The following CHGA variants were observed in gnomAD, a reference collection of about 807,000 sequenced individuals.
CHGA encodes chromogranin-A.
Under a neutral mutation model 54.4 loss-of-function variants are expected in CHGA, and 41 were observed. The observed-to-expected ratio is 0.75, with a 90% CI of 0.59 to 0.98. CHGA has a LOEUF of 0.98. Among genes scored for constraint, CHGA ranks in the 50% least tolerant of loss-of-function variants. CHGA has a pLI of 0.00. For missense variants in CHGA, 576 were observed against 582.3 expected, an observed-to-expected ratio of 0.99 and a Z score of 0.11; for synonymous variants, 249 against 232.8, an observed-to-expected ratio of 1.07 and a Z score of -0.63.
Position 92,935,064 on chromosome 14 carries a change from C to T in CHGA, c.*180C>T. 3 of 543,580 alleles carry T rather than the reference C, an allele frequency of 5.5e-6. No individual in the cohort carries two copies. In the South Asian group the frequency reaches 7.9e-5, roughly 14 times the overall value. The allele number at this position is 543,580 out of a possible 1,614,324, so 33.7% of individuals were successfully genotyped here. On this transcript the variant is annotated 3_prime_UTR_variant, in exon 8 of 8. Transcript: ENST00000216492. ...CCTTGTCTCCTACTCCTGACTCCTA[C>T]CTGCCCTGGAACATCCTTTGCAGGG...
intron 4 of CHGA, among the ~76,000 whole-genome samples, chr14:92,927,853 G>T (rs901211877): frequency 1.3e-5 from 2 of 152,220 alleles, no homozygotes; most frequent in Non-Finnish European, 2.9e-5. Context: ...ATAGAGACAT[G>T]CCAGGTGCAG....
Position 92,923,272 on chromosome 14 carries a change from C to G in CHGA, c.-88C>G, listed in dbSNP as rs1042317397. On this transcript the variant is annotated 5_prime_UTR_variant, in exon 1 of 8. Transcript: ENST00000216492. ...AGCCCCGCGCCGGTGCCACCGCAGC[C>G]CGACCCCGGCCGCCAGTCCAGCCGC... 3 of 1,199,168 alleles carry G rather than the reference C, an allele frequency of 2.5e-6. No homozygotes were observed. Among genetic ancestry groups the G allele is most frequent in the Non-Finnish European group, 3.1e-6 (3 of 958,596 alleles). The allele number at this position is 1,199,168 out of a possible 1,614,324, so 74.3% of individuals were successfully genotyped here. A position where few individuals can be genotyped will look rare whatever the true frequency, so the allele number is the denominator to read the frequency against.
At chr14:92,929,936 T>C in intron 5 of CHGA, 121 bp downstream of exon 5, 1 of 737,776 alleles carries the variant, frequency 1.4e-6, no homozygotes, top group East Asian at 2.7e-5. Context: ...TATTTCCCTC[T>C]CTCTACAAAT....
Position 92,931,430 on chromosome 14 carries a change from A to G in CHGA, c.536A>G (p.Glu179Gly), listed in dbSNP as rs1886992911. 3 of 1,608,208 alleles carry G rather than the reference A, an allele frequency of 1.9e-6. No individual in the cohort carries two copies. Among genetic ancestry groups the G allele is most frequent in the Non-Finnish European group, 2.5e-6 (3 of 1,177,928 alleles). ...APGEEEEEEE[E>G]ATNTHPPASL... Reference sequence around the variant, plus strand: ...GGGGAGGAAGAGGAGGAGGAGGAGGAGGCCACCAACACCCACCCTCCAGCC... The same window carrying G: ...GGGGAGGAAGAGGAGGAGGAGGAGGGGGCCACCAACACCCACCCTCCAGCC... Residue 179 changes from glutamate to glycine, a missense_variant, in exon 6 of 8, where the codon GAG (glutamate) becomes GGG (glycine). By Grantham distance (98) the Glu-to-Gly change is moderately conservative. Transcript: ENST00000216492.
chr14:92,932,474 G>A lies in CHGA; in HGVS notation c.913G>A (p.Glu305Lys), dbSNP rs869079468. ...GEQEHSQQKE[E>K]EEEMAVVPQG... ...ACAGGAGCACTCCCAGCAGAAAGAG[G>A]AGGAGGAGGAGATGGCAGTGGTCCC... The change falls in exon 7 of 8, where the codon GAG becomes AAG. Residue 305 changes from glutamate (E) to lysine (K), a missense_variant. Coordinates refer to ENST00000216492, the MANE Select transcript of CHGA (RefSeq NM_001275.4). This position sits in a 1 kb window ranked among gnomAD's most constrained non-coding sequence, Gnocchi z 5.3. The A allele has an allele frequency of 1.3e-6, 2 of 1,556,382 alleles. No individual in the cohort carries two copies. The highest frequency in any genetic ancestry group is 1.7e-6 in the Non-Finnish European group (2 of 1,149,780).
At position 92,923,619 on chromosome 14, in the gene CHGA, C is replaced by A. The variant is rs941587; in HGVS notation, c.46+214C>A. ...ACACTTGGGCCTGACTCCCAACCCC[C>A]CGGGGCAACTCCCCCTTGTGCCCAC... On this transcript the variant is annotated intron_variant, in intron 1 of 7. Coordinates refer to ENST00000216492, the MANE Select transcript of CHGA (RefSeq NM_001275.4). 5.3e-5 allele frequency among the ~76,000 whole-genome samples: 8 copies of A among 152,036 alleles called. No individual in the cohort carries two copies. The East Asian group carries it at 1.2e-3, about 22-fold the overall frequency.
chr14:92,926,483 C>T, intron 2 of CHGA, 122 bp from the exon 3 acceptor site: 1 of 737,190 alleles, frequency 1.4e-6, no homozygotes, highest in East Asian at 2.7e-5. Context: ...AGCCAGGGAT[C>T]ATGGACTCCC....
intron 7 of CHGA, among the ~76,000 whole-genome samples, chr14:92,934,341 C>T (rs1192077038): frequency 6.6e-6 from 1 of 152,232 alleles, no homozygotes; most frequent in Non-Finnish European, 1.5e-5. Flanking sequence ...GCAGCTCCCC[C>T]AGCATGTAGC....
Position 92,932,196 on chromosome 14 carries a change from T to C in CHGA, c.809-174T>C, listed in dbSNP as rs1465376009. On this transcript the variant is annotated intron_variant, in intron 6 of 7. Coordinates refer to ENST00000216492, the MANE Select transcript of CHGA (RefSeq NM_001275.4). The surrounding 1 kb of genome is among the most constrained non-coding windows in gnomAD (Gnocchi z 5.3). ...AGGCAGGCTCCAGCTAACCCACCCCTCTGAGCCGAGAGGGTCTTGCAAAGC... is the reference window on the plus strand; with the variant it reads ...AGGCAGGCTCCAGCTAACCCACCCCCCTGAGCCGAGAGGGTCTTGCAAAGC... 1 of 875,038 alleles carries C rather than the reference T, an allele frequency of 1.1e-6. No homozygotes were observed. The highest frequency in any genetic ancestry group is 1.7e-6 in the Non-Finnish European group (1 of 598,148). 54.2% of individuals were successfully genotyped at this position (875,038 alleles called of 1,614,324 possible).
chr14:92,930,320 C>T (rs183884081), intron 5 of CHGA, among the ~76,000 whole-genome samples: 4 of 152,222 alleles, frequency 2.6e-5, no homozygotes, highest in South Asian at 2.1e-4. Flanking sequence ...TAGGTCAGTG[C>T]GACACTCTGA....
In CHGA at chr14:92,929,835, G is replaced by T; in HGVS notation, c.355+20G>T. ...TGAAAGGTCTGTCCCAGCCGGTCTG[G>T]CCGGAGGTGGGGAAGGGAGGGTGGC... On this transcript the variant is annotated intron_variant, in intron 5 of 7. Coordinates refer to ENST00000216492, the MANE Select transcript of CHGA (RefSeq NM_001275.4). 6.2e-7 allele frequency: 1 copy of T among 1,605,304 alleles called. No individual in the cohort carries two copies. Among genetic ancestry groups the T allele is most frequent in the South Asian group, 1.1e-5 (1 of 90,896 alleles).
Position 92,931,617 on chromosome 14 carries a change from G to C in CHGA, c.723G>C (p.Glu241Asp). ...EEEEEEAEAG[E>D]EAVPEEEGPT... ...AGGAGGAGGAGGCTGAGGCTGGAGA[G>C]GAGGCTGTCCCCGAGGAAGAAGGCC... The change falls in exon 6 of 8, where the codon GAG (glutamate) becomes GAC (aspartate). Residue 241 changes from glutamate to aspartate, a missense_variant. Physicochemically the swap from Glu to Asp is conservative, Grantham distance 45 (BLOSUM62 2). Transcript: ENST00000216492. 8 of 1,612,712 alleles carry C rather than the reference G, an allele frequency of 5.0e-6. No homozygotes were observed. The South Asian group carries it at 8.8e-5, about 18-fold the overall frequency.
rs112951716 is a variant in CHGA at position 92,932,142 on chromosome 14, C to T, written c.809-228C>T. 42 of 533,988 alleles carry T rather than the reference C, an allele frequency of 7.9e-5. No homozygotes were observed. The highest frequency in any genetic ancestry group is 2.8e-4 in the African/African-American group (14 of 50,882). 33.1% of individuals were successfully genotyped at this position (533,988 alleles called of 1,614,324 possible). On this transcript the variant is annotated intron_variant, in intron 6 of 7. Coordinates refer to ENST00000216492, the MANE Select transcript of CHGA (RefSeq NM_001275.4). The surrounding 1 kb of genome is among the most constrained non-coding windows in gnomAD (Gnocchi z 5.3). ...GGGTCTTTCCTCACTCTCCAGCTGCCGGGCTTCTGGGGTGAGGATGAGGGG... is the reference window on the plus strand; with the variant it reads ...GGGTCTTTCCTCACTCTCCAGCTGCTGGGCTTCTGGGGTGAGGATGAGGGG...
intron 4 of CHGA, among the ~76,000 whole-genome samples, chr14:92,928,130 G>A (rs534758956): frequency 3.3e-5 from 5 of 152,356 alleles, no homozygotes; most frequent in South Asian, 2.1e-4. Context: ...TGTGGGAAGC[G>A]GCCGTTTCCA....
intron 4 of CHGA, among the ~76,000 whole-genome samples, chr14:92,928,588 G>C (rs1437963968): frequency 6.6e-6 from 1 of 152,154 alleles, no homozygotes; most frequent in Non-Finnish European, 1.5e-5. Context: ...TTTTAACTAA[G>C]CATTAAATAT....
chr14:92,935,061 C>G lies in CHGA; in HGVS notation c.*177C>G, dbSNP rs1274153435. 80 of 544,756 alleles carry G rather than the reference C, an allele frequency of 1.5e-4. No homozygotes were observed. The highest frequency in any genetic ancestry group is 2.0e-4 in the Non-Finnish European group (64 of 314,848). 33.7% of individuals were successfully genotyped at this position (544,756 alleles called of 1,614,324 possible). ...GCGCCTTGTCTCCTACTCCTGACTC[C>G]TACCTGCCCTGGAACATCCTTTGCA... On this transcript the variant is annotated 3_prime_UTR_variant, in exon 8 of 8. Coordinates refer to ENST00000216492, the MANE Select transcript of CHGA (RefSeq NM_001275.4).
In CHGA at chr14:92,932,492, G is replaced by C; in HGVS notation, c.931G>C (p.Val311Leu). ...QQKEEEEEMA[V>L]VPQGLFRGGK... ...GAAAGAGGAGGAGGAGGAGATGGCAGTGGTCCCGCAAGGCCTCTTCCGGGG... is the reference window on the plus strand; with the variant it reads ...GAAAGAGGAGGAGGAGGAGATGGCACTGGTCCCGCAAGGCCTCTTCCGGGG... The change falls in exon 7 of 8, where the codon GTG (valine) becomes CTG (leucine). Residue 311 changes from valine to leucine, a missense_variant. Val to Leu is a conservative substitution (Grantham distance 32, BLOSUM62 1). Coordinates refer to ENST00000216492, the MANE Select transcript of CHGA (RefSeq NM_001275.4). The surrounding 1 kb of genome is among the most constrained non-coding windows in gnomAD (Gnocchi z 5.3). 1 of 1,555,044 alleles carries C rather than the reference G, an allele frequency of 6.4e-7. No homozygotes were observed. Among genetic ancestry groups the C allele is most frequent in the Non-Finnish European group, 8.7e-7 (1 of 1,149,182 alleles).
chr14:92,926,797 C>G (rs1886895041), intron 3 of CHGA, 99 bp downstream of exon 3: 1 of 978,914 alleles, frequency 1.0e-6, no homozygotes, highest in Admixed American at 1.9e-5. Flanking sequence ...TTTAACTCAA[C>G]AGTCACTGAC....
At chr14:92,927,196 G>T (rs889817548) in intron 3 of CHGA, among the ~76,000 whole-genome samples, 7 of 152,216 alleles carry the variant, frequency 4.6e-5, no homozygotes, top group African/African-American at 1.4e-4. Context: ...GGAAACCGAT[G>T]AGTGGAAAAA....
Sources: gnomAD v4.1 joint callset for allele counts (sites outside exome capture counted in the v4.1 genomes callset) on GRCh38, gnomAD v4.1.1 for gene constraint, Gnocchi (gnomAD v3.1) non-coding constraint, MANE v1.5 for transcripts, NCBI Gene and HGNC (gene_info 2026-07-23, HGNC 2026-07-21) for gene names.